Variants in TMEM51 observed in about 807,000 individuals in gnomAD.
TMEM51 encodes transmembrane protein 51, also known as chromosome 1 open reading frame 72.
Under a neutral mutation model 13.6 loss-of-function variants are expected in TMEM51, and 8 were observed. The observed-to-expected ratio is 0.59, with a 90% CI of 0.35 to 1.07. TMEM51 has a LOEUF of 1.07. Among genes scored for constraint, TMEM51 ranks in the 50% least tolerant of loss-of-function variants. TMEM51 has a pLI of 0.02. For missense variants in TMEM51, 279 were observed against 330.7 expected (o/e 0.84, Z 1.21); for synonymous variants, 147 against 144.4 (o/e 1.02, Z -0.13).
intron 1 of TMEM51, among the ~76,000 whole-genome samples, chr1:15,155,530 C>A (rs967115892): frequency 1.3e-5 from 2 of 152,212 alleles, no homozygotes; most frequent in African/African-American, 4.8e-5. Flanking sequence ...GGAAATAACT[C>A]AGGAGGTCCT....
intron 1 of TMEM51, among the ~76,000 whole-genome samples, chr1:15,154,658 C>T (rs1181382409): frequency 2.6e-5 from 4 of 152,142 alleles, no homozygotes; most frequent in Admixed American, 2.6e-4. Context: ...AGCGCACAAA[C>T]GGGAGGCGCT....
chr1:15,202,526 G>A (rs767018160), intron 1 of TMEM51, among the ~76,000 whole-genome samples: 11 of 152,204 alleles, frequency 7.2e-5, no homozygotes, highest in Non-Finnish European at 1.0e-4. Context: ...CTCTAGGAGA[G>A]CATGCGTCTT....
chr1:15,217,803 C>CT (rs1359206618), intron 3 of TMEM51, among the ~76,000 whole-genome samples: 1 of 152,104 alleles, frequency 6.6e-6, no homozygotes, highest in Non-Finnish European at 1.5e-5. Context: ...GGGAATCTGC[C>CT]TTACAGAGCC....
intron 1 of TMEM51, among the ~76,000 whole-genome samples, chr1:15,204,896 C>T (rs1317693266): frequency 6.6e-6 from 1 of 151,844 alleles, no homozygotes; most frequent in Admixed American, 6.6e-5. Context: ...TTGCCAGGGT[C>T]GGGGGGCTGC....
intron 1 of TMEM51, among the ~76,000 whole-genome samples, chr1:15,170,704 C>T (rs988936829): frequency 2.6e-5 from 4 of 152,134 alleles, no homozygotes; most frequent in African/African-American, 9.7e-5. Flanking sequence ...TCCAGAACTA[C>T]TACATCATCC....
At chr1:15,163,106 G>A (rs1291892228) in intron 1 of TMEM51, among the ~76,000 whole-genome samples, 1 of 151,966 alleles carries the variant, frequency 6.6e-6, no homozygotes, top group Non-Finnish European at 1.5e-5. Flanking sequence ...ATATCATTGC[G>A]TTCTCTCTAC....
chr1:15,175,524 C>G (rs541061077), intron 1 of TMEM51, among the ~76,000 whole-genome samples: 1 of 152,356 alleles, frequency 6.6e-6, no homozygotes, highest in South Asian at 2.1e-4. Flanking sequence ...TTTGCACTGG[C>G]TACCTCTGTG....
intron 1 of TMEM51, among the ~76,000 whole-genome samples, chr1:15,185,020 A>G (rs951357163): frequency 6.6e-6 from 1 of 152,118 alleles, no homozygotes; most frequent in Non-Finnish European, 1.5e-5. Context: ...AGGAAGGCAG[A>G]AATGTCCTGC....
At chr1:15,214,197 C>G (rs576954417) in intron 2 of TMEM51, among the ~76,000 whole-genome samples, 58 of 152,070 alleles carry the variant, frequency 3.8e-4, no homozygotes, top group African/African-American at 1.3e-3. Context: ...ACAATGTGGT[C>G]ATGGGAAGAG....
At chr1:15,165,125 G>A (rs1258738743) in intron 1 of TMEM51, among the ~76,000 whole-genome samples, 1 of 152,150 alleles carries the variant, frequency 6.6e-6, no homozygotes, top group African/African-American at 2.4e-5. Context: ...GTAAGGAAAA[G>A]CTGAATGCCC....
intron 1 of TMEM51, among the ~76,000 whole-genome samples, chr1:15,186,336 G>A (rs931386398): frequency 3.9e-5 from 6 of 152,214 alleles, no homozygotes; most frequent in Non-Finnish European, 7.3e-5. Flanking sequence ...CAGGAAAGAC[G>A]GGGAAGGAAG....
rs1642487448 is a variant in TMEM51, at chr1:15,153,896, GCGAAGCCCGCAGTCC to G, written c.-322_-308del. 6.6e-6 allele frequency: 1 copy of G among 151,918 alleles called. No homozygotes were observed. Among genetic ancestry groups the G allele is most frequent in the Non-Finnish European group, 1.5e-5 (1 of 67,966 alleles). 9.4% of individuals were successfully genotyped at this position (151,918 alleles called of 1,614,324 possible). On this transcript the variant is annotated 5_prime_UTR_variant, in exon 1 of 4. Coordinates refer to ENST00000376008, the MANE Select transcript of TMEM51 (RefSeq NM_001136218.2). ...GCCGCCCGGGTGGGGCGCGGGGGTC[GCGAAGCCCGCAGTCC>G]CGGACCGCCCAGCCGAGACGGAGCC...
intron 1 of TMEM51, among the ~76,000 whole-genome samples, chr1:15,181,661 G>A (rs1391698790): frequency 4.6e-5 from 7 of 152,196 alleles, no homozygotes; most frequent in South Asian, 4.1e-4. Context: ...TCGACCAGAC[G>A]GGGCTCAAGG....
At chr1:15,159,044 G>A (rs571683119) in intron 1 of TMEM51, among the ~76,000 whole-genome samples, 4 of 152,194 alleles carry the variant, frequency 2.6e-5, no homozygotes, top group Non-Finnish European at 5.9e-5. Context: ...TGTGATCCTG[G>A]GAAACCTTGG....
chr1:15,155,729 TC>T (rs1217828547), intron 1 of TMEM51, among the ~76,000 whole-genome samples: 1 of 152,018 alleles, frequency 6.6e-6, no homozygotes, highest in East Asian at 1.9e-4. Context: ...GAATGGAAGG[TC>T]CGGAGTGAGC....
At chr1:15,187,142 G>T (rs1434209906) in intron 1 of TMEM51, among the ~76,000 whole-genome samples, 1 of 152,066 alleles carries the variant, frequency 6.6e-6, no homozygotes, top group East Asian at 1.9e-4. Context: ...GGAGTGTGCG[G>T]CCCCAGGCAG....
At chr1:15,199,171 T>C (rs551736696) in intron 1 of TMEM51, among the ~76,000 whole-genome samples, 163 of 152,150 alleles carry the variant, frequency 1.1e-3, no homozygotes, top group Admixed American at 3.3e-3. Flanking sequence ...TCACTCTTGT[T>C]GCCCAGGCTG....
At chr1:15,182,208 C>A (rs982136179) in intron 1 of TMEM51, among the ~76,000 whole-genome samples, 3 of 128,920 alleles carry the variant, frequency 2.3e-5, no homozygotes, top group South Asian at 2.6e-4. Flanking sequence ...AAATAAATAA[C>A]TGCACTAGGC....
chr1:15,191,712 A>C, intron 1 of TMEM51: 1 of 308,170 alleles, frequency 3.2e-6, no homozygotes, highest in Non-Finnish European at 6.4e-6. Flanking sequence ...ATGCAAATAT[A>C]TTTTTCAGTA....
Sources: gnomAD v4.1 joint callset for allele counts (sites outside exome capture counted in the v4.1 genomes callset) on GRCh38, gnomAD v4.1.1 for gene constraint, MANE v1.5 for transcripts, NCBI Gene and HGNC (gene_info 2026-07-23, HGNC 2026-07-21) for gene names.